The following ZNF429 variants were observed in gnomAD, a reference collection of about 807,000 sequenced individuals.
ZNF429 encodes the protein zinc finger protein 429.
Under a neutral mutation model 56.8 loss-of-function variants are expected in ZNF429, and 53 were observed. The observed-to-expected ratio is 0.93, with a 90% CI of 0.75 to 1.17. The LOEUF is 1.17. Ranked by LOEUF, ZNF429 falls within the 50% of genes most tolerant of loss-of-function variation. The probability of loss-of-function intolerance (pLI) is 0.00; values close to 1 mark genes in which losing one functional copy is unlikely to be tolerated. For missense variants in ZNF429, 849 were observed against 788.4 expected (o/e 1.08, Z -0.92); for synonymous variants, 278 against 264.7 (o/e 1.05, Z -0.49).
Position 21,532,257 on chromosome 19 carries a change from C to T in ZNF429, c.226+1573C>T. Among the ~76,000 whole-genome samples the T allele has an allele frequency of 4.8e-5, 7 of 144,446 alleles. No homozygotes were observed. The South Asian group carries it at 1.3e-3, about 27-fold the overall frequency. The allele number at this position is 144,446 out of a possible 152,430, so 94.8% of individuals were successfully genotyped here. On this transcript the variant is annotated intron_variant, in intron 3 of 3. Coordinates refer to ENST00000358491, the MANE Select transcript of ZNF429 (RefSeq NM_001001415.4). ...ATGAAAATTTCAGTGTTTTTTTTTT[C>T]ACAGAAATGCAATTTTAAAATTTAC...
intron 1 of ZNF429, among the ~76,000 whole-genome samples, chr19:21,528,154 T>A (rs2033235321): frequency 6.6e-6 from 1 of 152,188 alleles, no homozygotes; most frequent in Admixed American, 6.5e-5. Context: ...TGTTCTCTTG[T>A]GGCTGTGAAA....
intron 3 of ZNF429, among the ~76,000 whole-genome samples, chr19:21,532,562 G>C: frequency 1.1e-4 from 17 of 152,262 alleles, no homozygotes; most frequent in African/African-American, 3.8e-4. Flanking sequence ...TGAAAAAGCA[G>C]TCAGATTATG....
rs2033870695 is a variant in ZNF429, at chr19:21,540,155, T to C, written c.*2077T>C. On this transcript the variant is annotated 3_prime_UTR_variant, in exon 4 of 4. Transcript: ENST00000358491. ...CAAAATTTTTAAATTATATGTAAATTTGATTTTATTTGTTACCATGTTAAG... is the reference window on the plus strand; with the variant it reads ...CAAAATTTTTAAATTATATGTAAATCTGATTTTATTTGTTACCATGTTAAG... 6.6e-6 allele frequency among the ~76,000 whole-genome samples: 1 copy of C among 152,212 alleles called. No homozygotes were observed. The highest frequency in any genetic ancestry group is 2.1e-4 in the South Asian group (1 of 4,834).
In ZNF429 at chr19:21,536,599, T is replaced by C. The variant is rs35782355; in HGVS notation, c.546T>C (p.Phe182=). Residue 182 remains phenylalanine, a synonymous_variant, in exon 4 of 4, where the codon TTT becomes TTC. Transcript: ENST00000358491. Reference sequence around the variant, plus strand: ...AGTGTAAAAAATGTGGCAAATCATTTTGCATGCTTTCACAACTAACTCAAC... The same window carrying C: ...AGTGTAAAAAATGTGGCAAATCATTCTGCATGCTTTCACAACTAACTCAAC... ...PFQCKKCGKS[F]CMLSQLTQHK... is the part of the protein sequence containing the mutation. 0.54 allele frequency: 869,330 copies of C among 1,612,894 alleles called. 235,628 individuals are homozygous for C. Among genetic ancestry groups the C allele is most frequent in the South Asian group, 0.61 (55,813 of 91,040 alleles).
In ZNF429 at chr19:21,522,882, C is replaced by T. The variant is rs569860709; in HGVS notation, c.4-6776C>T. On this transcript the variant is annotated intron_variant, in intron 1 of 3. Coordinates refer to ENST00000358491, the MANE Select transcript of ZNF429 (RefSeq NM_001001415.4). ...TTGCACTCTAGCCTGGGCAACAGAG[C>T]GAGACTCTGTCTCAAAAAAAAAAAA... Among the ~76,000 whole-genome samples, 179 of 148,618 alleles carry T rather than the reference C, an allele frequency of 1.2e-3. 1 individual carries two copies. Among genetic ancestry groups the T allele is most frequent in the Middle Eastern group, 3.4e-3 (1 of 294 alleles).
At chr19:21,513,113 C>A (rs903418809) in intron 1 of ZNF429, among the ~76,000 whole-genome samples, 7 of 152,062 alleles carry the variant, frequency 4.6e-5, no homozygotes, top group Non-Finnish European at 7.4e-5. Context: ...CCTCATGATT[C>A]ACCCGCCTCA....
chr19:21,512,250 T>G (rs962444584), intron 1 of ZNF429, among the ~76,000 whole-genome samples: 1 of 152,106 alleles, frequency 6.6e-6, no homozygotes, highest in Non-Finnish European at 1.5e-5. Flanking sequence ...GTGAGGACAA[T>G]CAGAGGTTAC....
intron 1 of ZNF429, among the ~76,000 whole-genome samples, chr19:21,515,584 GT>G (rs1006758354): frequency 8.0e-5 from 12 of 150,678 alleles, no homozygotes; most frequent in African/African-American, 2.7e-4. Context: ...TTTGTTTTTT[GT>G]TTTTTTGCTG....
intron 1 of ZNF429, among the ~76,000 whole-genome samples, chr19:21,523,252 C>A (rs1239165050): frequency 6.6e-6 from 1 of 152,190 alleles, no homozygotes; most frequent in African/African-American, 2.4e-5. Flanking sequence ...GATGGAAATT[C>A]TGAATCTAGG....
In ZNF429 at chr19:21,505,677, C is replaced by A; in HGVS notation, c.-95C>A. On this transcript the variant is annotated 5_prime_UTR_variant, in exon 1 of 4. Coordinates refer to ENST00000358491, the MANE Select transcript of ZNF429 (RefSeq NM_001001415.4). Reference sequence around the variant, plus strand: ...CCAGGTCTCGTCTTCATTTCTGTGTCCTTTGTTCTTAGAGGCCCAGCCTGT... The same window carrying A: ...CCAGGTCTCGTCTTCATTTCTGTGTACTTTGTTCTTAGAGGCCCAGCCTGT... 1 of 1,391,798 alleles carries A rather than the reference C, an allele frequency of 7.2e-7. No individual in the cohort carries two copies. Among genetic ancestry groups the A allele is most frequent in the Non-Finnish European group, 1.0e-6 (1 of 1,003,542 alleles). 86.2% of individuals were successfully genotyped at this position (1,391,798 alleles called of 1,614,324 possible). A position where few individuals can be genotyped will look rare whatever the true frequency, so the allele number is the denominator to read the frequency against.
rs1393169785 is a variant in ZNF429 at position 21,540,300 on chromosome 19, C to G, written c.*2222C>G. On this transcript the variant is annotated 3_prime_UTR_variant, in exon 4 of 4. Coordinates refer to ENST00000358491, the MANE Select transcript of ZNF429 (RefSeq NM_001001415.4). ...ATTTAGTAACATAGTGGAATAGCAT[C>G]TCTAGTAATCTCTTTTGCCAGTAGC... 6.6e-6 allele frequency among the ~76,000 whole-genome samples: 1 copy of G among 152,112 alleles called. No homozygotes were observed. The highest frequency in any genetic ancestry group is 1.5e-5 in the Non-Finnish European group (1 of 68,002).
chr19:21,515,924 T>C (rs1166876796), intron 1 of ZNF429, among the ~76,000 whole-genome samples: 1 of 152,172 alleles, frequency 6.6e-6, no homozygotes, highest in Non-Finnish European at 1.5e-5. Flanking sequence ...GGCTCTCTAT[T>C]CTGTTGCATT....
In ZNF429 at chr19:21,537,911, C is replaced by A. The variant is rs2033776580; in HGVS notation, c.1858C>A (p.Pro620Thr). The A allele has an allele frequency of 1.2e-6, 2 of 1,613,930 alleles. No homozygotes were observed. Among genetic ancestry groups the A allele is most frequent in the Non-Finnish European group, 1.7e-6 (2 of 1,179,940 alleles). Reference protein sequence around the residue: ...QHKKIHTREKPYKCEECAKAF... With the variant: ...QHKKIHTREKTYKCEECAKAF... ...TAAGAAAATTCATACTAGAGAGAAACCTTACAAATGTGAAGAATGTGCCAA... is the reference window on the plus strand; with the variant it reads ...TAAGAAAATTCATACTAGAGAGAAAACTTACAAATGTGAAGAATGTGCCAA... The change falls in exon 4 of 4, where the codon CCT becomes ACT. Residue 620 changes from proline to threonine, a missense_variant. Transcript: ENST00000358491.
chr19:21,536,907 A>T lies in ZNF429; in HGVS notation c.854A>T (p.Tyr285Phe), dbSNP rs1026094911. ...HKRIHSGEKP[Y>F]KCDECGKTFS... Reference sequence around the variant, plus strand: ...AGAATTCATTCTGGAGAGAAGCCCTACAAATGTGATGAATGTGGCAAAACC... The same window carrying T: ...AGAATTCATTCTGGAGAGAAGCCCTTCAAATGTGATGAATGTGGCAAAACC... Residue 285 changes from tyrosine to phenylalanine, a missense_variant, in exon 4 of 4, where the codon TAC (tyrosine) becomes TTC (phenylalanine). Coordinates refer to ENST00000358491, the MANE Select transcript of ZNF429 (RefSeq NM_001001415.4). The T allele has an allele frequency of 1.2e-6, 2 of 1,612,390 alleles. No homozygotes were observed. The highest frequency in any genetic ancestry group is 1.1e-5 in the South Asian group (1 of 90,710).
chr19:21,530,837 G>T, intron 3 of ZNF429, among the ~76,000 whole-genome samples, 153 bp downstream of exon 3: 2 of 152,078 alleles, frequency 1.3e-5, no homozygotes, highest in African/African-American at 4.8e-5. Context: ...CTGGCACAGT[G>T]GTTCACACGT....
chr19:21,509,360 T>C (rs2032344054), intron 1 of ZNF429, among the ~76,000 whole-genome samples: 2 of 152,222 alleles, frequency 1.3e-5, no homozygotes, highest in African/African-American at 4.8e-5. Flanking sequence ...TAGATACTTT[T>C]GCTTTTCTTA....
intron 3 of ZNF429, among the ~76,000 whole-genome samples, chr19:21,535,311 C>CTTTCTTTCTTTCT: frequency 7.5e-6 from 1 of 133,220 alleles, no homozygotes; most frequent in Non-Finnish European, 1.6e-5. Context: ...TTCTTTCTTT[C>CTTTCTTTCTTTCT]TTTCTTTCTT....
chr19:21,506,816 C>A (rs1168323669), intron 1 of ZNF429, among the ~76,000 whole-genome samples: 1 of 125,872 alleles, frequency 7.9e-6, no homozygotes, highest in African/African-American at 3.1e-5. Flanking sequence ...CTTGCCCAAT[C>A]TGGACTGCAG....
In ZNF429 at chr19:21,530,583, A is replaced by G; in HGVS notation, c.131-6A>G. The G allele has an allele frequency of 2.5e-6, 4 of 1,586,886 alleles. No homozygotes were observed. The African/African-American group carries it at 5.4e-5, about 22-fold the overall frequency. Reference sequence around the variant, plus strand: ...AGATTCATCTTCTTTATTTTTAATAAAACAGGTATTGCTGTTTCTAAGCCA... The same window carrying G: ...AGATTCATCTTCTTTATTTTTAATAGAACAGGTATTGCTGTTTCTAAGCCA... On this transcript the variant is annotated splice_region_variant and splice_polypyrimidine_tract_variant and intron_variant, in intron 2 of 3. Coordinates refer to ENST00000358491, the MANE Select transcript of ZNF429 (RefSeq NM_001001415.4).
Sources: allele counts gnomAD v4.1 joint callset (sites outside exome capture counted in the v4.1 genomes callset), GRCh38; gene constraint gnomAD v4.1.1; transcripts MANE v1.5; gene names NCBI Gene and HGNC (gene_info 2026-07-23, HGNC 2026-07-21).